SVEP1: variants seen among roughly 807,000 people sequenced by gnomAD.
The protein encoded by SVEP1 is sushi, von Willebrand factor type A, EGF and pentraxin domain-containing protein 1.
In SVEP1, 164 loss-of-function variants were observed where a neutral mutation model predicts 367.3. That is an observed-to-expected ratio of 0.45 (90% CI 0.39 to 0.51). SVEP1 has a LOEUF of 0.51. Among genes scored for constraint, SVEP1 ranks in the 20% least tolerant of loss-of-function variants. The pLI, the probability that SVEP1 is intolerant of heterozygous loss-of-function variation, is 0.00. For synonymous variants in SVEP1, 1,666 were observed against 1,611.6 expected (o/e 1.03, Z -0.81); for missense variants, 4,117 against 4,425.3 (o/e 0.93, Z 1.98).
intron 1 of SVEP1, among the ~76,000 whole-genome samples, chr9:110,572,536 G>A (rs974633570): frequency 4.0e-5 from 6 of 151,896 alleles, no homozygotes; most frequent in Non-Finnish European, 5.9e-5. Flanking sequence ...ATTTGAATTC[G>A]ACATTTAAGA....
chr9:110,502,842 T>C (rs752617617), intron 6 of SVEP1, among the ~76,000 whole-genome samples, 196 bp downstream of exon 6: 7 of 152,264 alleles, frequency 4.6e-5, no homozygotes, highest in Non-Finnish European at 1.0e-4. Context: ...GAATTCATTG[T>C]AGAAGTTCCT....
chr9:110,479,582 G>A (rs553970197), intron 13 of SVEP1, 53 bp downstream of exon 13: 4 of 1,541,788 alleles, frequency 2.6e-6, no homozygotes, highest in East Asian at 4.7e-5. Context: ...GACTCAGAAA[G>A]GTTATGAAAG....
intron 3 of SVEP1, among the ~76,000 whole-genome samples, chr9:110,515,290 G>A (rs1216638460): frequency 7.1e-6 from 1 of 141,826 alleles, no homozygotes; most frequent in African/African-American, 2.6e-5. Flanking sequence ...GTGCATTTAT[G>A]TGGGGATTTT....
At chr9:110,443,015 A>C (rs1388658273) in intron 27 of SVEP1, 1 of 152,256 alleles carries the variant, frequency 6.6e-6, no homozygotes, top group Non-Finnish European at 1.5e-5. Flanking sequence ...ATACTTCTAT[A>C]GATGTATCCA....
At chr9:110,486,313 G>A (rs1829276110) in intron 9 of SVEP1, among the ~76,000 whole-genome samples, 1 of 152,222 alleles carries the variant, frequency 6.6e-6, no homozygotes, top group South Asian at 2.1e-4. Context: ...ACAGGTGCAA[G>A]AGGGCAGTAA....
Position 110,408,868 on chromosome 9 carries a change from G to A in SVEP1, c.6732C>T (p.Val2244=). Residue 2244 remains valine (V), a synonymous_variant, in exon 38 of 48, where the codon GTC becomes GTT. Transcript: ENST00000374469. ...GYKSVGSPVF[V]CQANRHWHSE... Reference sequence around the variant, plus strand: ...TGTGCCAGTGGCGATTGGCTTGGCAGACAAATACAGGACTTCCGACTGACT... The same window carrying A: ...TGTGCCAGTGGCGATTGGCTTGGCAAACAAATACAGGACTTCCGACTGACT... The A allele has an allele frequency of 6.2e-7, 1 of 1,613,614 alleles. No individual in the cohort carries two copies. Among genetic ancestry groups the A allele is most frequent in the South Asian group, 1.1e-5 (1 of 91,072 alleles).
chr9:110,464,520 A>G (rs1356496498), intron 18 of SVEP1, among the ~76,000 whole-genome samples: 1 of 152,166 alleles, frequency 6.6e-6, no homozygotes, highest in African/African-American at 2.4e-5. Context: ...CTGCCCTTGC[A>G]CATTAACTTT....
intron 8 of SVEP1, among the ~76,000 whole-genome samples, chr9:110,492,102 T>C (rs1356310705): frequency 1.3e-5 from 2 of 152,144 alleles, no homozygotes; most frequent in Non-Finnish European, 2.9e-5. Flanking sequence ...TGCAAAGGCT[T>C]AATAAATATA....
intron 3 of SVEP1, among the ~76,000 whole-genome samples, chr9:110,533,718 G>T (rs530335334): frequency 6.6e-6 from 1 of 152,274 alleles, no homozygotes; most frequent in Admixed American, 6.5e-5. Context: ...AGCATAGCCC[G>T]ATTTCCTCTA....
At chr9:110,473,497 TAACAA>T (rs1338775852) in intron 14 of SVEP1, among the ~76,000 whole-genome samples, 1 of 152,164 alleles carries the variant, frequency 6.6e-6, no homozygotes, top group Non-Finnish European at 1.5e-5. Context: ...AACACACTTT[TAACAA>T]AACAAGATTA....
intron 2 of SVEP1, among the ~76,000 whole-genome samples, chr9:110,547,488 T>C (rs1447724422): frequency 6.6e-6 from 1 of 152,092 alleles, no homozygotes; most frequent in Non-Finnish European, 1.5e-5. Context: ...GGTGGGAGGA[T>C]CACTTGAGCC....
rs1483746213 is a variant in SVEP1, at chr9:110,408,213, G to C, written c.7387C>G (p.Leu2463Val). 1 of 1,613,868 alleles carries C rather than the reference G, an allele frequency of 6.2e-7. No homozygotes were observed. Among genetic ancestry groups the C allele is most frequent in the Non-Finnish European group, 8.5e-7 (1 of 1,179,912 alleles). Residue 2463 changes from leucine to valine, a missense_variant, in exon 38 of 48, where the codon CTC becomes GTC. By Grantham distance (32) the Leu-to-Val change is conservative. Around this residue, in one of 4 missense-constraint regions of SVEP1, gnomAD observed 1,765 missense variants for 1,781.1 expected, o/e 0.99. Coordinates refer to ENST00000374469, the MANE Select transcript of SVEP1 (RefSeq NM_153366.4). ...TCAAAGCCTGGCTTGCAGGTATAGA[G>C]AGCTGTGCTGAGATAGGCAAGGCCT... ...VQGLAYLSTA[L>V]YTCKPGFELV...
intron 36 of SVEP1, among the ~76,000 whole-genome samples, chr9:110,427,196 G>A (rs1444927242): frequency 6.6e-6 from 1 of 151,144 alleles, no homozygotes; most frequent in Admixed American, 6.6e-5. Context: ...TACTTGGGAG[G>A]CTGAGGCATG....
chr9:110,579,640 C>A lies in SVEP1; in HGVS notation c.-97G>T. On this transcript the variant is annotated 5_prime_UTR_variant, in exon 1 of 48. Coordinates refer to ENST00000374469, the MANE Select transcript of SVEP1 (RefSeq NM_153366.4). This position sits in a 1 kb window ranked among gnomAD's most constrained non-coding sequence, Gnocchi z 5.3. The stretch of plus-strand genomic sequence containing the variant: ...GACTCGCAGAGGGGCGTGCGCGGAG[C>A]TGGGCGCGGGGCAGCGGCCAAGAGC... 1 of 1,382,186 alleles carries A rather than the reference C, an allele frequency of 7.2e-7. No homozygotes were observed. The highest frequency in any genetic ancestry group is 9.4e-7 in the Non-Finnish European group (1 of 1,065,696). 85.6% of individuals were successfully genotyped at this position (1,382,186 alleles called of 1,614,324 possible).
At chr9:110,411,013 T>C (rs541036543) in intron 37 of SVEP1, 50 bp downstream of exon 37, 1 of 1,480,164 alleles carries the variant, frequency 6.8e-7, no homozygotes, top group African/African-American at 1.4e-5. Context: ...ATTTATTTAT[T>C]ATGGGCCCTG....
intron 46 of SVEP1, 92 bp downstream of exon 46, chr9:110,375,276 C>A: frequency 1.8e-6 from 2 of 1,105,742 alleles, no homozygotes; most frequent in Non-Finnish European, 2.6e-6. Flanking sequence ...TTCATTTTGC[C>A]ACCACTTCTG....
rs1000196963 is a variant in SVEP1, at chr9:110,365,790, A to G, written c.*749T>C. Reference sequence around the variant, plus strand: ...GGTATCAGCTCTTTGTTAATCTTCCAGTTCTTGCATTTCTTATTCCAGCCA... The same window carrying G: ...GGTATCAGCTCTTTGTTAATCTTCCGGTTCTTGCATTTCTTATTCCAGCCA... On this transcript the variant is annotated 3_prime_UTR_variant, in exon 48 of 48. Coordinates refer to ENST00000374469, the MANE Select transcript of SVEP1 (RefSeq NM_153366.4). 3.3e-5 allele frequency: 5 copies of G among 152,212 alleles called. No individual in the cohort carries two copies. Among genetic ancestry groups the G allele is most frequent in the African/African-American group, 1.2e-4 (5 of 41,434 alleles). The allele number at this position is 152,212 out of a possible 1,614,324, so 9.4% of individuals were successfully genotyped here. A position where few individuals can be genotyped will look rare whatever the true frequency, so the allele number is the denominator to read the frequency against.
intron 8 of SVEP1, 108 bp from the exon 9 acceptor site, chr9:110,489,887 G>C: frequency 7.5e-7 from 1 of 1,340,170 alleles, no homozygotes; most frequent in Non-Finnish European, 9.9e-7. Context: ...ATTTCACAAA[G>C]AGGAAAGGAA....
chr9:110,422,680 T>C (rs1258184674), intron 36 of SVEP1, among the ~76,000 whole-genome samples: 1 of 125,758 alleles, frequency 8.0e-6, no homozygotes, highest in Admixed American at 7.8e-5. Flanking sequence ...CGTATGTTTA[T>C]AGCGGCACTA....
Sources: gnomAD v4.1 joint callset for allele counts (sites outside exome capture counted in the v4.1 genomes callset) on GRCh38, gnomAD v4.1.1 for gene constraint, gnomAD v4.1.1 regional missense constraint, Gnocchi (gnomAD v3.1) non-coding constraint, MANE v1.5 for transcripts, NCBI Gene and HGNC (gene_info 2026-07-23, HGNC 2026-07-21) for gene names.